CALR3: variants seen among roughly 807,000 people sequenced by gnomAD.
CALR3 encodes calreticulin 3.
Under a neutral mutation model 48.7 loss-of-function variants are expected in CALR3, and 39 were observed. That is an observed-to-expected ratio of 0.80 (90% CI 0.62 to 1.05). CALR3 has a LOEUF of 1.05. Among genes scored for constraint, CALR3 ranks in the 50% least tolerant of loss-of-function variants. The pLI, the probability that CALR3 is intolerant of heterozygous loss-of-function variation, is 0.00. For missense variants in CALR3, 449 were observed against 474.7 expected, an observed-to-expected ratio of 0.95 and a Z score of 0.50; for synonymous variants, 185 against 172.7, an observed-to-expected ratio of 1.07 and a Z score of -0.56.
intron 3 of CALR3, 117 bp downstream of exon 3, chr19:16,490,250 G>C: frequency 2.3e-6 from 2 of 857,012 alleles, no homozygotes; most frequent in South Asian, 2.9e-5. Flanking sequence ...CCTTGGATCC[G>C]ATATACTCAA....
intron 8 of CALR3, 71 bp downstream of exon 8, chr19:16,480,543 C>A: frequency 9.9e-7 from 1 of 1,009,224 alleles, no homozygotes; most frequent in Non-Finnish European, 1.6e-6. Context: ...CAGAGCTAGA[C>A]TCCATCTAAA....
chr19:16,480,255 A>G lies in CALR3; in HGVS notation c.1011+359T>C, dbSNP rs189296768. 5.8e-4 allele frequency among the ~76,000 whole-genome samples: 87 copies of G among 149,770 alleles called. 1 individual carries two copies. The highest frequency in any genetic ancestry group is 3.2e-3 in the South Asian group (15 of 4,744). ...GTCCTAATCCCTGGAACCTGCCAAT[A>G]TTAACCTTACATGGGGCCAGGCACA... On this transcript the variant is annotated intron_variant, in intron 8 of 8. Coordinates refer to ENST00000269881, the MANE Select transcript of CALR3 (RefSeq NM_145046.5).
intron 2 of CALR3, among the ~76,000 whole-genome samples, chr19:16,494,303 C>T (rs1436803327): frequency 6.6e-6 from 1 of 152,124 alleles, no homozygotes; most frequent in East Asian, 1.9e-4. Context: ...TTCAAGTAAT[C>T]CGCCTGCCTT....
intron 3 of CALR3, among the ~76,000 whole-genome samples, chr19:16,485,570 G>A (rs2093387928): frequency 1.3e-5 from 2 of 151,174 alleles, no homozygotes; most frequent in South Asian, 4.2e-4. Context: ...CACCTGCCTC[G>A]GCCTCCCAAA....
chr19:16,486,110 G>C (rs950969934), intron 3 of CALR3, among the ~76,000 whole-genome samples: 1 of 151,994 alleles, frequency 6.6e-6, no homozygotes, highest in Non-Finnish European at 1.5e-5. Context: ...CTTGAGGCCA[G>C]TTTGAGACCA....
Position 16,479,595 on chromosome 19 carries a change from A to T in CALR3, c.1012-321T>A, listed in dbSNP as rs1363968775. Among the ~76,000 whole-genome samples the T allele has an allele frequency of 3.3e-5, 5 of 151,570 alleles. No individual in the cohort carries two copies. In the East Asian group the frequency reaches 9.7e-4, roughly 29 times the overall value. The stretch of plus-strand genomic sequence containing the variant: ...AGAGCAAGACTCTGTCTCAAAAAAA[A>T]AAAAAAAGCAAAAATTAGCTGGGCG... On this transcript the variant is annotated intron_variant, in intron 8 of 8. Transcript: ENST00000269881.
chr19:16,486,689 T>G lies in CALR3; in HGVS notation c.398-1432A>C, dbSNP rs572778146. On this transcript the variant is annotated intron_variant, in intron 3 of 8. Coordinates refer to ENST00000269881, the MANE Select transcript of CALR3 (RefSeq NM_145046.5). ...CATGAGGAAATGTAGACAGATGGGC[T>G]CTGTGTTGCCTGTCTGAGGTTTTAT... Among the ~76,000 whole-genome samples the G allele has an allele frequency of 6.6e-5, 10 of 151,672 alleles. No homozygotes were observed. In the East Asian group the frequency reaches 1.9e-3, roughly 29 times the overall value.
rs374865616 is a variant in CALR3 at position 16,495,750 on chromosome 19, C to T, written c.193+1G>A. ...CAATTTGGTCCTGATTCTACACTAA[C>T]CTTTATCTTTCTCTTTATGACCATA... On this transcript the variant is annotated splice_donor_variant, in intron 2 of 8. Transcript: ENST00000269881. LOFTEE classifies it high-confidence loss of function. 6.2e-6 allele frequency: 10 copies of T among 1,611,292 alleles called. No individual in the cohort carries two copies. Among genetic ancestry groups the T allele is most frequent in the African/African-American group, 2.7e-5 (2 of 74,868 alleles).
chr19:16,485,136 C>A (rs745616007), intron 4 of CALR3, 27 bp downstream of exon 4: 4 of 1,424,508 alleles, frequency 2.8e-6, no homozygotes, highest in South Asian at 2.3e-5. Flanking sequence ...AGTTAACACT[C>A]ATTTATTTGA....
intron 8 of CALR3, among the ~76,000 whole-genome samples, 177 bp from the exon 9 acceptor site, chr19:16,479,451 G>C (rs2122123181): frequency 6.7e-6 from 1 of 149,664 alleles, no homozygotes; most frequent in East Asian, 2.0e-4. Context: ...AGCCAGGCGT[G>C]GTGGTGGGCG....
At chr19:16,485,350 G>C in intron 3 of CALR3, 93 bp from the exon 4 acceptor site, 1 of 817,010 alleles carries the variant, frequency 1.2e-6, no homozygotes, top group Non-Finnish European at 2.0e-6. Flanking sequence ...TTTTTGAGAC[G>C]GAGTCTTGCT....
chr19:16,484,113 A>G lies in CALR3; in HGVS notation c.495T>C (p.Val165=). The change falls in exon 5 of 9, where the codon GTT becomes GTC. Residue 165 remains valine (V), a splice_region_variant and synonymous_variant. Transcript: ENST00000269881. ...GAGTGTACAGGTGTGTGAAGCCATC[A>G]ACCTGCATATTTTAGGGGGAAAAGC... ...HENKKLIRCK[V]DGFTHLYTLI... 6.2e-7 allele frequency: 1 copy of G among 1,613,708 alleles called. No homozygotes were observed. The highest frequency in any genetic ancestry group is 8.5e-7 in the Non-Finnish European group (1 of 1,179,754).
chr19:16,482,507 C>G lies in CALR3; in HGVS notation c.861G>C (p.Thr287=), dbSNP rs118131979. 5.6e-6 allele frequency: 9 copies of G among 1,614,216 alleles called. No homozygotes were observed. The highest frequency in any genetic ancestry group is 7.6e-6 in the Non-Finnish European group (9 of 1,180,046). The part of the protein sequence containing the change: ...HRKMKNTDYL[T]QYDLSEFENI... ...TCTCAAATTCTGAGAGGTCATACTG[C>G]GTCAAATAGTCGGTATTCTTCATCT... Residue 287 remains threonine, a synonymous_variant, in exon 7 of 9, where the codon ACG becomes ACC. Transcript: ENST00000269881.
At chr19:16,480,360 T>C (rs1344171903) in intron 8 of CALR3, among the ~76,000 whole-genome samples, 1 of 151,912 alleles carries the variant, frequency 6.6e-6, no homozygotes, top group Non-Finnish European at 1.5e-5. Context: ...GAGACCAGCC[T>C]GAACAATATG....
chr19:16,487,394 C>T (rs888407962), intron 3 of CALR3, among the ~76,000 whole-genome samples: 15 of 148,722 alleles, frequency 1.0e-4, no homozygotes, highest in Admixed American at 2.7e-4. Flanking sequence ...GTAGGAGAAT[C>T]GCTTGAACCT....
At position 16,491,540 on chromosome 19, in the gene CALR3, A is replaced by T. The variant is rs546057021; in HGVS notation, c.194-970T>A. Among the ~76,000 whole-genome samples, 38 of 150,646 alleles carry T rather than the reference A, an allele frequency of 2.5e-4. No individual in the cohort carries two copies. In the South Asian group the frequency reaches 8.2e-3, roughly 32 times the overall value. On this transcript the variant is annotated intron_variant, in intron 2 of 8. Coordinates refer to ENST00000269881, the MANE Select transcript of CALR3 (RefSeq NM_145046.5). ...ACGCCTGTAATCCCAGCACTTTGGG[A>T]GGCTGAGGCAGGCGGATCACGGGGT...
intron 3 of CALR3, among the ~76,000 whole-genome samples, chr19:16,489,629 A>AG (rs2093394731): frequency 6.6e-6 from 1 of 151,552 alleles, no homozygotes; most frequent in Non-Finnish European, 1.5e-5. Context: ...CAAAAAAAAA[A>AG]AAAACCCATC....
At position 16,480,773 on chromosome 19, in the gene CALR3, C is replaced by A. The variant is rs894385364; in HGVS notation, c.919-67G>T. On this transcript the variant is annotated intron_variant, in intron 7 of 8. Coordinates refer to ENST00000269881, the MANE Select transcript of CALR3 (RefSeq NM_145046.5). ...TTTATTATTTGTTTATTTTTCATTT[C>A]TTTTTTCCTTTGGAAATACATGAAG... The A allele has an allele frequency of 2.9e-5, 35 of 1,210,146 alleles. No individual in the cohort carries two copies. In the African/African-American group the frequency reaches 4.7e-4, roughly 16 times the overall value. 75.0% of individuals were successfully genotyped at this position (1,210,146 alleles called of 1,614,324 possible). A position where few individuals can be genotyped will look rare whatever the true frequency, so the allele number is the denominator to read the frequency against.
chr19:16,484,930 A>G (rs553235882), intron 4 of CALR3, among the ~76,000 whole-genome samples: 1 of 152,300 alleles, frequency 6.6e-6, no homozygotes, highest in South Asian at 2.1e-4. Context: ...ATGACATGTC[A>G]TAGCTCACAG....
Sources: gnomAD v4.1 joint callset for allele counts (sites outside exome capture counted in the v4.1 genomes callset) on GRCh38, gnomAD v4.1.1 for gene constraint, MANE v1.5 for transcripts, NCBI Gene and HGNC (gene_info 2026-07-23, HGNC 2026-07-21) for gene names.